C19orf47: variants seen among roughly 807,000 people sequenced by gnomAD.
C19orf47 encodes the protein chromosome 19 open reading frame 47, also known as uncharacterized protein C19orf47.
In C19orf47, 18 loss-of-function variants were observed where a neutral mutation model predicts 32.3. The ratio of observed to expected loss-of-function variants is 0.56; its 90% CI spans 0.39 to 0.83. C19orf47 has a LOEUF of 0.83. Ranked by LOEUF, C19orf47 falls within the 40% of genes least tolerant of loss-of-function variation. The pLI, the probability that C19orf47 is intolerant of heterozygous loss-of-function variation, is 0.00. For missense variants in C19orf47, 484 were observed against 531.6 expected (o/e 0.91, Z 0.88); for synonymous variants, 202 against 211.1 (o/e 0.96, Z 0.37).
At chr19:40,302,229 C>G in the C19orf47 span, among the ~76,000 whole-genome samples, 15 of 152,206 alleles carry the variant, frequency 9.9e-5, no homozygotes, top group African/African-American at 3.4e-4. Flanking sequence ...ATAATCAGGC[C>G]AAGTTTAATA....
At chr19:40,294,520 G>A in the C19orf47 span, among the ~76,000 whole-genome samples, 1 of 151,792 alleles carries the variant, frequency 6.6e-6, no homozygotes, top group African/African-American at 2.4e-5. Context: ...TGTCTTTTGT[G>A]TTGTGTCATA....
chr19:40,316,027 GAT>G (rs2077659939), downstream of C19orf47, among the ~76,000 whole-genome samples: 1 of 151,854 alleles, frequency 6.6e-6, no homozygotes, highest in South Asian at 2.1e-4. Flanking sequence ...GAGAGAGAGA[GAT>G]TTAGCCCTGA....
At chr19:40,326,249 C>G (rs1262863968) in intron 7 of C19orf47, 85 bp downstream of exon 7, 5 of 1,547,100 alleles carry the variant, frequency 3.2e-6, no homozygotes, top group Non-Finnish European at 4.4e-6. Context: ...TCTCAGCCAC[C>G]GTCTGTAGGA....
chr19:40,346,102 G>T (rs1284107358), intron 1 of C19orf47, among the ~76,000 whole-genome samples: 2 of 147,484 alleles, frequency 1.4e-5, no homozygotes, highest in African/African-American at 2.5e-5. Context: ...GTTGCAGTGA[G>T]CCGAAACTGT....
At chr19:40,342,394 T>C (rs1216825371) in intron 1 of C19orf47, 3 of 153,980 alleles carry the variant, frequency 1.9e-5, no homozygotes, top group African/African-American at 7.2e-5. Flanking sequence ...TGGAACTCCT[T>C]ATTCTACTCT....
At chr19:40,309,959 G>A in the C19orf47 span, among the ~76,000 whole-genome samples, 3 of 152,158 alleles carry the variant, frequency 2.0e-5, no homozygotes, top group African/African-American at 7.2e-5. Context: ...CAGTCTGGCA[G>A]TTCTTCAGAT....
At chr19:40,319,179 A>G (rs1600157645), downstream of C19orf47, among the ~76,000 whole-genome samples, 1 of 151,976 alleles carries the variant, frequency 6.6e-6, no homozygotes, top group Non-Finnish European at 1.5e-5. Flanking sequence ...CTGAGGCAGG[A>G]GAATAGCTGG....
At chr19:40,313,878 G>C in the C19orf47 span, among the ~76,000 whole-genome samples, 3 of 151,698 alleles carry the variant, frequency 2.0e-5, no homozygotes, top group African/African-American at 7.3e-5. Flanking sequence ...AGAGGCTGCA[G>C]TGAGATTACA....
chr19:40,339,522 C>T (rs1216245289), intron 2 of C19orf47, among the ~76,000 whole-genome samples: 4 of 152,098 alleles, frequency 2.6e-5, no homozygotes, highest in African/African-American at 4.8e-5. Context: ...AAATACTATA[C>T]AGCAGTGAAA....
chr19:40,311,414 C>T, the C19orf47 span, among the ~76,000 whole-genome samples: 3 of 151,452 alleles, frequency 2.0e-5, no homozygotes, highest in African/African-American at 2.4e-5. Context: ...TGGTGGCACG[C>T]ACCTGTAGTC....
chr19:40,339,980 CAA>C (rs548548957), intron 2 of C19orf47, among the ~76,000 whole-genome samples: 4 of 68,668 alleles, frequency 5.8e-5, no homozygotes, highest in Non-Finnish European at 6.1e-5. Flanking sequence ...CATCTCAAAA[CAA>C]AAAAAAAAAA....
In C19orf47 at chr19:40,333,843, G is replaced by A; in HGVS notation, c.301+8C>T. 4 of 1,560,958 alleles carry A rather than the reference G, an allele frequency of 2.6e-6. No individual in the cohort carries two copies. Among genetic ancestry groups the A allele is most frequent in the Admixed American group, 1.9e-5 (1 of 52,022 alleles). ...CAAGGAAAAGAGGCCTGAATAGTTA[G>A]GACTCACCACTGGTGCCACGGCGAA... On this transcript the variant is annotated splice_region_variant and intron_variant, in intron 5 of 8. Coordinates refer to ENST00000683109, the MANE Select transcript of C19orf47 (RefSeq NM_001256441.2).
chr19:40,325,009 C>T (rs1427215368), intron 7 of C19orf47, among the ~76,000 whole-genome samples: 1 of 151,444 alleles, frequency 6.6e-6, no homozygotes, highest in African/African-American at 2.4e-5. Context: ...GTGGCTCACG[C>T]CTGTAATCCC....
chr19:40,336,295 C>G, intron 3 of C19orf47, 25 bp downstream of exon 3: 1 of 1,614,018 alleles, frequency 6.2e-7, no homozygotes, highest in East Asian at 2.2e-5. Flanking sequence ...CCCCACCACC[C>G]CATCCCCAAG....
chr19:40,319,882 G>C lies in C19orf47; in HGVS notation c.*2000C>G, dbSNP rs1473388583. 6.5e-6 allele frequency: 1 copy of C among 154,202 alleles called. No individual in the cohort carries two copies. The highest frequency in any genetic ancestry group is 2.4e-5 in the African/African-American group (1 of 41,426). 9.6% of individuals were successfully genotyped at this position (154,202 alleles called of 1,614,324 possible). ...AGCTGTACCCTGCGCACTGTCAGCA[G>C]CCATGAACCCCCAGCCCAGGTGTCC... On this transcript the variant is annotated 3_prime_UTR_variant, in exon 9 of 9. Transcript: ENST00000683109.
the C19orf47 span, among the ~76,000 whole-genome samples, chr19:40,300,543 G>A: frequency 6.6e-6 from 1 of 152,088 alleles, no homozygotes; most frequent in Non-Finnish European, 1.5e-5. Context: ...GAAATCTAAT[G>A]TTATAAGTCA....
chr19:40,344,263 G>C (rs1057456227), intron 1 of C19orf47, among the ~76,000 whole-genome samples: 1 of 151,516 alleles, frequency 6.6e-6, no homozygotes, highest in Non-Finnish European at 1.5e-5. Flanking sequence ...TGGATCACCT[G>C]AGGTCAGGAG....
intron 2 of C19orf47, among the ~76,000 whole-genome samples, 200 bp from the exon 3 acceptor site, chr19:40,336,607 G>A (rs1022198174): frequency 1.3e-5 from 2 of 152,128 alleles, no homozygotes; most frequent in African/African-American, 4.8e-5. Context: ...CTGAGTTGCC[G>A]ATGAGGAAAA....
At chr19:40,317,740 G>C (rs1052193573), downstream of C19orf47, among the ~76,000 whole-genome samples, 8 of 103,636 alleles carry the variant, frequency 7.7e-5, no homozygotes, top group Non-Finnish European at 1.1e-4. Context: ...TTTTTTTTTT[G>C]AGACAGTCTC....
Sources: gnomAD v4.1 joint callset for allele counts (sites outside exome capture counted in the v4.1 genomes callset) on GRCh38, gnomAD v4.1.1 for gene constraint, MANE v1.5 for transcripts, NCBI Gene and HGNC (gene_info 2026-07-23, HGNC 2026-07-21) for gene names.